The following COL24A1 variants were observed in gnomAD, a reference collection of about 807,000 sequenced individuals.
COL24A1 encodes collagen alpha-1(XXIV) chain.
COL24A1 carries 224 observed loss-of-function variants against 253.9 expected under a neutral mutation model. That is an observed-to-expected ratio of 0.88 (90% CI 0.79 to 0.99). The LOEUF is 0.99. Among genes scored for constraint, COL24A1 ranks in the 50% least tolerant of loss-of-function variants. COL24A1 has a pLI of 0.00. For missense variants in COL24A1, 2,131 were observed against 2,068.5 expected, an observed-to-expected ratio of 1.03 and a Z score of -0.59; for synonymous variants, 685 against 673.7, an observed-to-expected ratio of 1.02 and a Z score of -0.26.
intron 22 of COL24A1, among the ~76,000 whole-genome samples, 170 bp from the exon 23 acceptor site, chr1:85,965,232 C>G (rs1221988984): frequency 6.6e-6 from 1 of 151,772 alleles, no homozygotes; most frequent in Non-Finnish European, 1.5e-5. Context: ...TACAAATATC[C>G]AACTGTCTAC....
intron 24 of COL24A1, among the ~76,000 whole-genome samples, chr1:85,936,781 C>G (rs1217788363): frequency 6.8e-6 from 1 of 147,088 alleles, no homozygotes; most frequent in Non-Finnish European, 1.5e-5. Flanking sequence ...ATGGGAAGAT[C>G]ACAGTGCAGG....
At chr1:85,923,285 T>C (rs1001109612) in intron 24 of COL24A1, among the ~76,000 whole-genome samples, 3 of 152,250 alleles carry the variant, frequency 2.0e-5, no homozygotes, top group South Asian at 2.1e-4. Flanking sequence ...AAAAAGGATA[T>C]CCAGGACTTG....
At chr1:86,080,297 G>C (rs1001980276) in intron 7 of COL24A1, among the ~76,000 whole-genome samples, 1 of 152,124 alleles carries the variant, frequency 6.6e-6, no homozygotes, top group African/African-American at 2.4e-5. Context: ...AGATCAGGCG[G>C]AGGTAGGGAA....
chr1:85,841,224 G>C lies in COL24A1; in HGVS notation c.3625C>G (p.Pro1209Ala). The C allele has an allele frequency of 6.3e-7, 1 of 1,598,980 alleles. No homozygotes were observed. Among genetic ancestry groups the C allele is most frequent in the Middle Eastern group, 1.7e-4 (1 of 6,038 alleles). Residue 1209 changes from proline (P) to alanine (A), a missense_variant and splice_region_variant, in exon 42 of 60, where the codon CCA becomes GCA. Transcript: ENST00000370571. The stretch of plus-strand genomic sequence containing the variant: ...AATTATTTCAGAAAAAGACCTACTG[G>C]TTCACCTCGAGGCCCAGGTGGTCCT... ...VLGPPGPRGE[P>A]GPVGDQGERG...
intron 37 of COL24A1, among the ~76,000 whole-genome samples, chr1:85,851,176 A>G (rs748397099): frequency 2.0e-5 from 3 of 151,932 alleles, no homozygotes; most frequent in Non-Finnish European, 4.4e-5. Context: ...TCCCCAAGTA[A>G]TATGTATTTT....
At chr1:85,886,478 A>G (rs1048871040) in intron 32 of COL24A1, among the ~76,000 whole-genome samples, 1 of 151,782 alleles carries the variant, frequency 6.6e-6, no homozygotes, top group Non-Finnish European at 1.5e-5. Flanking sequence ...ATCCTGGCTA[A>G]CACGGTGAAA....
chr1:86,065,922 G>C (rs1701442043), intron 7 of COL24A1, among the ~76,000 whole-genome samples: 1 of 152,092 alleles, frequency 6.6e-6, no homozygotes, highest in African/African-American at 2.4e-5. Context: ...GGAAGAGTAG[G>C]GTCGCTGAGA....
At chr1:86,042,519 TAATA>T (rs577023242) in intron 12 of COL24A1, among the ~76,000 whole-genome samples, 488 of 152,244 alleles carry the variant, frequency 3.2e-3, no homozygotes, top group African/African-American at 9.6e-3. Flanking sequence ...TGAGGCTAAA[TAATA>T]AATAATTTTC....
At position 86,125,129 on chromosome 1, in the gene COL24A1, C is replaced by T. The variant is rs754947727; in HGVS notation, c.1207G>A (p.Asp403Asn). The T allele has an allele frequency of 1.9e-6, 3 of 1,613,286 alleles. No individual in the cohort carries two copies. The highest frequency in any genetic ancestry group is 2.5e-6 in the Non-Finnish European group (3 of 1,179,716). ...MPSILPQIKQ[D>N]TITNLKKAIT... is the part of the protein sequence containing the mutation. Reference sequence around the variant, plus strand: ...GCCTTCTTGAGATTAGTAATTGTATCTTGTTTAATTTGTGGAAGAATAGAT... The same window carrying T: ...GCCTTCTTGAGATTAGTAATTGTATTTTGTTTAATTTGTGGAAGAATAGAT... The change falls in exon 3 of 60, where the codon GAT (aspartate) becomes AAT (asparagine). Residue 403 changes from aspartate (D) to asparagine (N), a missense_variant. Asp to Asn is a conservative substitution (Grantham distance 23). Transcript: ENST00000370571.
chr1:86,008,877 A>G (rs548432749), intron 19 of COL24A1, among the ~76,000 whole-genome samples: 32 of 150,934 alleles, frequency 2.1e-4, no homozygotes, highest in African/African-American at 7.6e-4. Flanking sequence ...GGCAGACAAA[A>G]CCCCTTTTAC....
intron 2 of COL24A1, among the ~76,000 whole-genome samples, chr1:86,127,035 T>C (rs560091660): frequency 5.2e-4 from 79 of 152,292 alleles, no homozygotes; most frequent in African/African-American, 1.9e-3. Context: ...ATTTACAAGT[T>C]GCATGGAAGC....
intron 5 of COL24A1, among the ~76,000 whole-genome samples, chr1:86,107,679 C>A (rs1025922688): frequency 6.6e-6 from 1 of 151,848 alleles, no homozygotes; most frequent in African/African-American, 2.4e-5. Context: ...GGACTACAGG[C>A]GCCTCCCACC....
intron 55 of COL24A1, among the ~76,000 whole-genome samples, chr1:85,748,625 G>T (rs1461461879): frequency 1.3e-5 from 2 of 148,604 alleles, no homozygotes; most frequent in African/African-American, 2.5e-5. Flanking sequence ...GAGGTACCGG[G>T]TTCATCTCAC....
At position 86,017,217 on chromosome 1, in the gene COL24A1, G is replaced by A; in HGVS notation, c.2257-13C>T. The A allele has an allele frequency of 2.6e-6, 4 of 1,552,396 alleles. No homozygotes were observed. The East Asian group carries it at 1.0e-4, about 39-fold the overall frequency. On this transcript the variant is annotated splice_polypyrimidine_tract_variant and intron_variant, in intron 18 of 59. Coordinates refer to ENST00000370571, the MANE Select transcript of COL24A1 (RefSeq NM_152890.7). ...CACCTGTTTGGCCCTAAAATGGGGG[G>A]GGAGGATCAAAGTATAAACATAAAC...
chr1:86,146,442 G>T (rs1651890043), intron 1 of COL24A1, among the ~76,000 whole-genome samples: 1 of 151,852 alleles, frequency 6.6e-6, no homozygotes, highest in African/African-American at 2.4e-5. Context: ...AAGATTTTCT[G>T]AAGATTAACT....
chr1:86,113,054 G>T (rs975141836), intron 4 of COL24A1, among the ~76,000 whole-genome samples: 2 of 152,120 alleles, frequency 1.3e-5, no homozygotes, highest in African/African-American at 4.8e-5. Flanking sequence ...AATATTACTA[G>T]TGTAGCACTT....
At chr1:85,767,130 TAATAA>T (rs1570520889) in intron 53 of COL24A1, among the ~76,000 whole-genome samples, 1 of 151,052 alleles carries the variant, frequency 6.6e-6, no homozygotes, top group Non-Finnish European at 1.5e-5. Flanking sequence ...ATAATAATAA[TAATAA>T]GATTGACAAA....
At chr1:86,003,278 T>TCTGCCATTATGTC (rs765517577) in intron 19 of COL24A1, among the ~76,000 whole-genome samples, 8 of 152,192 alleles carry the variant, frequency 5.3e-5, no homozygotes, top group Non-Finnish European at 1.2e-4. Context: ...TGTCCTGGGT[T>TCTGCCATTATGTC]CTGTCAGGCT....
chr1:86,108,620 T>TAA (rs55852463), intron 5 of COL24A1, among the ~76,000 whole-genome samples: 19 of 83,100 alleles, frequency 2.3e-4, no homozygotes, highest in African/African-American at 9.8e-4. Flanking sequence ...CCATCTCTAC[T>TAA]AAAAAAAAAA....
Sources: allele counts gnomAD v4.1 joint callset (sites outside exome capture counted in the v4.1 genomes callset), GRCh38; gene constraint gnomAD v4.1.1; transcripts MANE v1.5; gene names NCBI Gene and HGNC (gene_info 2026-07-23, HGNC 2026-07-21).